Variants in DOK6 observed in about 807,000 individuals in gnomAD.
The protein encoded by DOK6 is docking protein 6.
Under a neutral mutation model 44.0 loss-of-function variants are expected in DOK6, and 22 were observed. The ratio of observed to expected loss-of-function variants is 0.50; its 90% CI spans 0.36 to 0.71. DOK6 has a LOEUF of 0.71. Among genes scored for constraint, DOK6 ranks in the 30% least tolerant of loss-of-function variants. The pLI, the probability that DOK6 is intolerant of heterozygous loss-of-function variation, is 0.00. For synonymous variants in DOK6, 166 were observed against 145.5 expected, an observed-to-expected ratio of 1.14 and a Z score of -1.01; for missense variants, 340 against 416.4, an observed-to-expected ratio of 0.82 and a Z score of 1.60.
rs576227073 is a variant in DOK6 at position 69,429,068 on chromosome 18, T to A, written c.66+27758T>A. Among the ~76,000 whole-genome samples, 137 of 152,334 alleles carry A rather than the reference T, an allele frequency of 9.0e-4. 1 individual carries two copies. Among genetic ancestry groups the A allele is most frequent in the Middle Eastern group, 3.4e-3 (1 of 294 alleles). The stretch of plus-strand genomic sequence containing the variant: ...CTGGAATAAGAAGAAATATTGCCTG[T>A]TCAGAACAGCCACAGGAGAAGTAAT... On this transcript the variant is annotated intron_variant, in intron 1 of 7. Transcript: ENST00000382713.
intron 2 of DOK6, among the ~76,000 whole-genome samples, chr18:69,596,607 A>G (rs1983746736): frequency 6.6e-6 from 1 of 152,118 alleles, no homozygotes; most frequent in Non-Finnish European, 1.5e-5. Flanking sequence ...GGGGGAAAAA[A>G]AACACGCCCA....
At chr18:69,519,953 C>T (rs548404796) in intron 1 of DOK6, among the ~76,000 whole-genome samples, 44 of 151,758 alleles carry the variant, frequency 2.9e-4, no homozygotes, top group Admixed American at 2.6e-4. Flanking sequence ...TGTTATTGTT[C>T]ATGATTATTT....
At chr18:69,574,396 G>A (rs1029269756) in intron 2 of DOK6, among the ~76,000 whole-genome samples, 4 of 152,156 alleles carry the variant, frequency 2.6e-5, no homozygotes, top group Non-Finnish European at 4.4e-5. Flanking sequence ...TAACTATAAT[G>A]AAATATGATT....
chr18:69,425,719 A>C (rs1390665540), intron 1 of DOK6, among the ~76,000 whole-genome samples: 2 of 152,056 alleles, frequency 1.3e-5, no homozygotes, highest in African/African-American at 2.4e-5. Flanking sequence ...GTGTTAAAAA[A>C]AATGTTGCAT....
At chr18:69,535,007 T>C (rs987728904) in intron 1 of DOK6, among the ~76,000 whole-genome samples, 1 of 152,140 alleles carries the variant, frequency 6.6e-6, no homozygotes, top group Non-Finnish European at 1.5e-5. Context: ...ATTTAGGCTT[T>C]TCTCCTCAGG....
intron 7 of DOK6, among the ~76,000 whole-genome samples, chr18:69,817,438 T>C (rs1981433256): frequency 6.6e-6 from 1 of 152,136 alleles, no homozygotes; most frequent in Non-Finnish European, 1.5e-5. Context: ...GACTGGGTGG[T>C]GTAAACAACA....
chr18:69,603,078 T>C (rs1410615559), intron 3 of DOK6, among the ~76,000 whole-genome samples: 1 of 152,204 alleles, frequency 6.6e-6, no homozygotes, highest in Non-Finnish European at 1.5e-5. Context: ...GTCCCATTTT[T>C]CAATGTAGGT....
chr18:69,716,960 C>T (rs1417851208), intron 5 of DOK6, among the ~76,000 whole-genome samples: 1 of 152,312 alleles, frequency 6.6e-6, no homozygotes, highest in East Asian at 1.9e-4. Flanking sequence ...TGGCTACTTT[C>T]ACCCAGTGTA....
chr18:69,623,001 T>C (rs879303095), intron 3 of DOK6, among the ~76,000 whole-genome samples: 1 of 152,202 alleles, frequency 6.6e-6, no homozygotes, highest in African/African-American at 2.4e-5. Flanking sequence ...CCAAATCTCA[T>C]GTAGAGTTGT....
At chr18:69,632,773 A>C (rs1282471453) in intron 3 of DOK6, among the ~76,000 whole-genome samples, 2 of 152,262 alleles carry the variant, frequency 1.3e-5, no homozygotes, top group Non-Finnish European at 2.9e-5. Context: ...ATGCCCATGC[A>C]ATAAATATAA....
chr18:69,597,743 C>T (rs549610095), intron 2 of DOK6, among the ~76,000 whole-genome samples: 4 of 142,182 alleles, frequency 2.8e-5, no homozygotes, highest in Non-Finnish European at 3.2e-5. Context: ...CATCTGGAGA[C>T]TCAAACGCCT....
chr18:69,561,441 A>G (rs1175622856), intron 1 of DOK6, among the ~76,000 whole-genome samples: 5 of 152,210 alleles, frequency 3.3e-5, no homozygotes, highest in Non-Finnish European at 7.3e-5. Flanking sequence ...TTAAAGGTAG[A>G]CAAACCATAT....
At chr18:69,504,588 G>T (rs1490373423) in intron 1 of DOK6, among the ~76,000 whole-genome samples, 4 of 152,060 alleles carry the variant, frequency 2.6e-5, no homozygotes, top group African/African-American at 9.7e-5. Flanking sequence ...AGTATATGAT[G>T]AGCAATATTC....
chr18:69,821,585 G>T (rs1422646945), intron 7 of DOK6, among the ~76,000 whole-genome samples: 1 of 152,044 alleles, frequency 6.6e-6, no homozygotes, highest in Non-Finnish European at 1.5e-5. Context: ...GCAAATCTTT[G>T]AGAACAATTT....
chr18:69,419,488 C>G (rs1978425708), intron 1 of DOK6, among the ~76,000 whole-genome samples: 1 of 152,052 alleles, frequency 6.6e-6, no homozygotes, highest in South Asian at 2.1e-4. Flanking sequence ...AAAGTAATAG[C>G]ACCTAAAGAA....
intron 3 of DOK6, chr18:69,660,520 A>T (rs1219101055): frequency 6.6e-6 from 1 of 152,016 alleles, no homozygotes; most frequent in African/African-American, 2.4e-5. Context: ...TCATTTTTCT[A>T]CTTGAAATGA....
At chr18:69,714,350 G>A (rs1466139076) in intron 5 of DOK6, among the ~76,000 whole-genome samples, 4 of 152,146 alleles carry the variant, frequency 2.6e-5, no homozygotes, top group East Asian at 1.9e-4. Flanking sequence ...AGGCAGAAGC[G>A]GGGCCCTGGG....
chr18:69,467,392 T>A (rs930714179), intron 1 of DOK6, among the ~76,000 whole-genome samples: 10 of 152,272 alleles, frequency 6.6e-5, no homozygotes, highest in African/African-American at 2.2e-4. Flanking sequence ...AATAACTTAT[T>A]TTGAATCAGG....
chr18:69,630,473 A>G (rs1334862886), intron 3 of DOK6, among the ~76,000 whole-genome samples: 2 of 152,338 alleles, frequency 1.3e-5, no homozygotes, highest in South Asian at 2.1e-4. Context: ...GGAAAGCTAT[A>G]TATTTCTTCA....
Sources: gnomAD v4.1 joint callset for allele counts (sites outside exome capture counted in the v4.1 genomes callset) on GRCh38, gnomAD v4.1.1 for gene constraint, MANE v1.5 for transcripts, NCBI Gene and HGNC (gene_info 2026-07-23, HGNC 2026-07-21) for gene names.